PRKAR2A: variants seen among roughly 807,000 people sequenced by gnomAD.
PRKAR2A encodes the protein protein kinase cAMP-dependent type II regulatory subunit alpha, also known as cAMP-dependent protein kinase type II-alpha regulatory subunit.
PRKAR2A carries 29 observed loss-of-function variants against 51.9 expected under a neutral mutation model. The ratio of observed to expected loss-of-function variants is 0.56; its 90% CI spans 0.42 to 0.76. The LOEUF is 0.76. PRKAR2A is among the 30% of genes least tolerant of loss of function. The pLI, the probability that PRKAR2A is intolerant of heterozygous loss-of-function variation, is 0.00. For synonymous variants in PRKAR2A, 178 were observed against 186.2 expected (o/e 0.96, Z 0.36); for missense variants, 445 against 512.1 (o/e 0.87, Z 1.26).
intron 2 of PRKAR2A, among the ~76,000 whole-genome samples, chr3:48,802,656 T>TCA (rs147104013): frequency 0.027 from 4,025 of 151,680 alleles, 72 homozygotes; most frequent in Non-Finnish European, 0.041. Flanking sequence ...TGAGCCGAGA[T>TCA]CACACCACTG....
At chr3:48,794,254 C>T (rs565561525) in intron 2 of PRKAR2A, among the ~76,000 whole-genome samples, 75 of 151,086 alleles carry the variant, frequency 5.0e-4, no homozygotes, top group South Asian at 1.3e-3. Context: ...CAGGTTCAAG[C>T]GATTCTCTTG....
intron 2 of PRKAR2A, among the ~76,000 whole-genome samples, chr3:48,796,138 T>C (rs1165207977): frequency 1.3e-5 from 2 of 152,198 alleles, no homozygotes; most frequent in Non-Finnish European, 2.9e-5. Context: ...ATACAGGCCA[T>C]TACAGCTGGG....
At chr3:48,809,765 A>G (rs1379807593) in intron 1 of PRKAR2A, among the ~76,000 whole-genome samples, 2 of 152,092 alleles carry the variant, frequency 1.3e-5, no homozygotes, top group African/African-American at 4.8e-5. Context: ...GCTGTCATAA[A>G]TTCTAAAATC....
chr3:48,838,598 C>A (rs1179915396), intron 1 of PRKAR2A, among the ~76,000 whole-genome samples: 3 of 133,126 alleles, frequency 2.3e-5, no homozygotes, highest in Non-Finnish European at 4.7e-5. Context: ...CAGAGAGAGA[C>A]TCCATCTTTA....
chr3:48,788,188 G>A (rs928858904), intron 4 of PRKAR2A, among the ~76,000 whole-genome samples: 4 of 151,844 alleles, frequency 2.6e-5, no homozygotes, highest in African/African-American at 7.3e-5. Context: ...GCGCCACCAC[G>A]CCCAGCTAAT....
chr3:48,763,700 T>C (rs899146265), intron 8 of PRKAR2A, among the ~76,000 whole-genome samples: 2 of 152,134 alleles, frequency 1.3e-5, no homozygotes, highest in East Asian at 3.9e-4. Flanking sequence ...ATTGCACTTG[T>C]TTTTTAAGCC....
rs192730799 is a variant in PRKAR2A at position 48,821,447 on chromosome 3, T to C, written c.263-13763A>G. On this transcript the variant is annotated intron_variant, in intron 1 of 10. Transcript: ENST00000265563. ...TGATAATCCAATTTCCCAAGAATTTTTAAATATGCAAGTTCCCTGGTTTTT... is the reference window on the plus strand; with the variant it reads ...TGATAATCCAATTTCCCAAGAATTTCTAAATATGCAAGTTCCCTGGTTTTT... Among the ~76,000 whole-genome samples, 8 of 152,324 alleles carry C rather than the reference T, an allele frequency of 5.3e-5. No homozygotes were observed. In the East Asian group the frequency reaches 1.3e-3, roughly 26 times the overall value.
rs1320189860 is a variant in PRKAR2A at position 48,765,259 on chromosome 3, TAAG to T, written c.784_786del (p.Leu262del). On this transcript the variant is annotated inframe_deletion, in exon 7 of 11. Coordinates refer to ENST00000265563, the MANE Select transcript of PRKAR2A (RefSeq NM_004157.4). ...TCAAGCCACTTTACCTCTAGTGATTTAAGGAGGGGCACAGACTCAATAAATGAT... is the reference window on the plus strand; with the variant it reads ...TCAAGCCACTTTACCTCTAGTGATTTGAGGGGCACAGACTCAATAAATGAT... The T allele has an allele frequency of 6.2e-7, 1 of 1,608,372 alleles. No individual in the cohort carries two copies. Among genetic ancestry groups the T allele is most frequent in the Non-Finnish European group, 8.5e-7 (1 of 1,176,314 alleles).
In PRKAR2A at chr3:48,786,515, G is replaced by C. The variant is rs1036582603; in HGVS notation, c.436-3423C>G. 1.5e-4 allele frequency among the ~76,000 whole-genome samples: 23 copies of C among 150,260 alleles called. No homozygotes were observed. The Admixed American group carries it at 1.5e-3, about 10-fold the overall frequency. ...AGGTACTTTACTCAAGATAACTTGG[G>C]GGCCGGGCGCGGTGGCTCATGCCTG... On this transcript the variant is annotated intron_variant, in intron 4 of 10. Transcript: ENST00000265563.
chr3:48,790,840 T>C (rs1201301292), intron 3 of PRKAR2A, among the ~76,000 whole-genome samples: 4 of 152,140 alleles, frequency 2.6e-5, no homozygotes, highest in Admixed American at 6.6e-5. Context: ...ACCTGCCGAC[T>C]ACATGGCTGG....
At chr3:48,841,274 G>A (rs1575963160) in intron 1 of PRKAR2A, among the ~76,000 whole-genome samples, 1 of 151,550 alleles carries the variant, frequency 6.6e-6, no homozygotes, top group South Asian at 2.1e-4. Flanking sequence ...GGCCGGGAAC[G>A]GTGGCTCACA....
At chr3:48,827,832 A>G (rs1341986653) in intron 1 of PRKAR2A, among the ~76,000 whole-genome samples, 7 of 152,064 alleles carry the variant, frequency 4.6e-5, no homozygotes, top group Non-Finnish European at 8.8e-5. Flanking sequence ...TTATAACCTT[A>G]GCTTACTGTA....
At chr3:48,842,045 G>A (rs568418719) in intron 1 of PRKAR2A, among the ~76,000 whole-genome samples, 1 of 152,218 alleles carries the variant, frequency 6.6e-6, no homozygotes, top group African/African-American at 2.4e-5. Context: ...CTATCCATGA[G>A]CATGGAATGT....
At chr3:48,801,818 C>A (rs956720776) in intron 2 of PRKAR2A, among the ~76,000 whole-genome samples, 15 of 151,860 alleles carry the variant, frequency 9.9e-5, no homozygotes, top group Admixed American at 6.6e-4. Flanking sequence ...TTCACTATAA[C>A]CTCCGTCTCC....
intron 1 of PRKAR2A, among the ~76,000 whole-genome samples, chr3:48,819,947 G>GCACAA (rs2082935533): frequency 6.6e-6 from 1 of 152,156 alleles, no homozygotes; most frequent in South Asian, 2.1e-4. Context: ...AAGTCCTTGT[G>GCACAA]GGACTTCACT....
chr3:48,829,871 A>ATATATATT (rs1297832658), intron 1 of PRKAR2A, among the ~76,000 whole-genome samples: 60 of 87,726 alleles, frequency 6.8e-4, no homozygotes, highest in African/African-American at 2.8e-3. Context: ...ATATATATAT[A>ATATATATT]TTTTTTTTTT....
chr3:48,840,357 T>C (rs992366382), intron 1 of PRKAR2A, among the ~76,000 whole-genome samples: 1 of 151,598 alleles, frequency 6.6e-6, no homozygotes, highest in Non-Finnish European at 1.5e-5. Context: ...TAGCCAGGCA[T>C]GGTGGCACAC....
chr3:48,761,199 G>A (rs1575842652), intron 8 of PRKAR2A, among the ~76,000 whole-genome samples: 3 of 151,668 alleles, frequency 2.0e-5, no homozygotes, highest in Admixed American at 6.6e-5. Context: ...GGAGAATGGC[G>A]TGAACCCAGG....
At chr3:48,756,315 CATT>C in intron 9 of PRKAR2A, 61 bp downstream of exon 9, 2 of 1,418,524 alleles carry the variant, frequency 1.4e-6, no homozygotes, top group Admixed American at 1.7e-5. Context: ...ACACACTTCA[CATT>C]ATTTAAAACA....
Sources: allele counts gnomAD v4.1 joint callset (sites outside exome capture counted in the v4.1 genomes callset), GRCh38; gene constraint gnomAD v4.1.1; transcripts MANE v1.5; gene names NCBI Gene and HGNC (gene_info 2026-07-23, HGNC 2026-07-21).